SLC7A8: variants seen among roughly 807,000 people sequenced by gnomAD.
SLC7A8 encodes large neutral amino acids transporter small subunit 2.
A neutral mutation model predicts 51.2 loss-of-function variants in SLC7A8; 30 were observed. The observed-to-expected ratio is 0.59, with a 90% CI of 0.44 to 0.80. The LOEUF is 0.80. SLC7A8 is among the 30% of genes least tolerant of loss of function. The probability of loss-of-function intolerance (pLI) is 0.00; values close to 1 mark genes in which losing one functional copy is unlikely to be tolerated. For synonymous variants in SLC7A8, 257 were observed against 275.8 expected, an observed-to-expected ratio of 0.93 and a Z score of 0.67; for missense variants, 612 against 674.4, an observed-to-expected ratio of 0.91 and a Z score of 1.03.
chr14:23,142,170 A>G (rs17127071), intron 4 of SLC7A8, among the ~76,000 whole-genome samples: 12,759 of 152,284 alleles, frequency 0.084, 1,092 homozygotes, highest in African/African-American at 0.21. Flanking sequence ...GGCTGCCCAC[A>G]CTGCCTTCAG....
rs760363667 is a variant in SLC7A8, at chr14:23,165,286, T to C, written c.507A>G (p.Leu169=). 1.2e-6 allele frequency: 2 copies of C among 1,609,458 alleles called. No homozygotes were observed. Among genetic ancestry groups the C allele is most frequent in the Non-Finnish European group, 1.7e-6 (2 of 1,178,166 alleles). Residue 169 remains leucine, a splice_region_variant and synonymous_variant, in exon 3 of 11, where the codon TTA becomes TTG. Transcript: ENST00000316902. The surrounding 1 kb of genome is among the most constrained non-coding windows in gnomAD (Gnocchi z 4.2). ...TACCAAGACCCAGATGACACTTACATAAGCAGATGGCAGCCAGGAGCCGAA... is the reference window on the plus strand; with the variant it reads ...TACCAAGACCCAGATGACACTTACACAAGCAGATGGCAGCCAGGAGCCGAA... ...SGLRLLAAIC[L]LLLTWVNCSS...
chr14:23,161,364 C>T (rs1420122918), intron 3 of SLC7A8, among the ~76,000 whole-genome samples: 6 of 152,134 alleles, frequency 3.9e-5, no homozygotes, highest in African/African-American at 1.2e-4. Flanking sequence ...CTCCATTATA[C>T]ACCAATGACC....
Position 23,165,195 on chromosome 14 carries a change from G to T in SLC7A8, c.508+90C>A. On this transcript the variant is annotated intron_variant, in intron 3 of 10. Transcript: ENST00000316902. This position sits in a 1 kb window ranked among gnomAD's most constrained non-coding sequence, Gnocchi z 4.2. ...ATCATGCGGCTGCGCTCCAGCCTGA[G>T]TGACAGAGTGAAGACTCTGTTTCTA... 7.5e-7 allele frequency: 1 copy of T among 1,325,738 alleles called. No homozygotes were observed. The allele number at this position is 1,325,738 out of a possible 1,614,324, so 82.1% of individuals were successfully genotyped here. A position where few individuals can be genotyped will look rare whatever the true frequency, so the allele number is the denominator to read the frequency against.
chr14:23,167,750 G>A (rs1460817839), intron 1 of SLC7A8, among the ~76,000 whole-genome samples: 1 of 152,138 alleles, frequency 6.6e-6, no homozygotes, highest in African/African-American at 2.4e-5. Context: ...GAGACCAAAT[G>A]GATCCAGGTG....
chr14:23,143,198 A>G lies in SLC7A8; in HGVS notation c.515T>C (p.Leu172Pro), dbSNP rs1169208382. 6.8e-6 allele frequency: 11 copies of G among 1,614,172 alleles called. No individual in the cohort carries two copies. The highest frequency in any genetic ancestry group is 9.3e-6 in the Non-Finnish European group (11 of 1,180,024). The part of the protein sequence containing the change: ...RLLAAICLLL[L>P]TWVNCSSVRW... ...CACACTGGAACAGTTGACCCATGTG[A>G]GGAGCACTGAAATGAAAGACCCCCA... is the stretch of plus-strand genomic sequence containing the variant. The change falls in exon 4 of 11, where the codon CTC becomes CCC. Residue 172 changes from leucine to proline, a missense_variant. Transcript: ENST00000316902.
Position 23,129,706 on chromosome 14 carries a change from C to G in SLC7A8, c.1207G>C (p.Val403Leu), listed in dbSNP as rs2048614085. Residue 403 changes from valine to leucine, a missense_variant, in exon 9 of 11, where the codon GTT becomes CTT. Transcript: ENST00000316902. ...CAGCGAAGGACTATCTGTCCAGCAA[C>G]CGTGACCCCATAGAAGAGGTAGTTG... is the stretch of plus-strand genomic sequence containing the variant. ...FINYLFYGVT[V>L]AGQIVLRWKK... is the part of the protein sequence containing the mutation. The G allele has an allele frequency of 1.9e-6, 3 of 1,614,130 alleles. No homozygotes were observed. The highest frequency in any genetic ancestry group is 3.3e-5 in the Admixed American group (2 of 60,012).
At chr14:23,159,085 C>T (rs916592371) in intron 3 of SLC7A8, among the ~76,000 whole-genome samples, 33 of 152,292 alleles carry the variant, frequency 2.2e-4, no homozygotes, top group African/African-American at 7.7e-4. Flanking sequence ...TTTTCCCCAT[C>T]ACATTGTATT....
intron 3 of SLC7A8, among the ~76,000 whole-genome samples, chr14:23,145,121 C>A (rs1194887429): frequency 1.3e-5 from 2 of 151,232 alleles, no homozygotes; most frequent in Non-Finnish European, 3.0e-5. Flanking sequence ...AGGGTTTCAC[C>A]GTGTTAGCCA....
intron 3 of SLC7A8, among the ~76,000 whole-genome samples, chr14:23,145,240 T>C (rs1312270416): frequency 6.6e-6 from 1 of 150,872 alleles, no homozygotes; most frequent in African/African-American, 2.4e-5. Flanking sequence ...TAAAATGACC[T>C]GCTTCTGGCC....
intron 7 of SLC7A8, among the ~76,000 whole-genome samples, chr14:23,132,200 C>T (rs2048642900): frequency 6.6e-6 from 1 of 151,952 alleles, no homozygotes; most frequent in African/African-American, 2.4e-5. Context: ...GACGGGGTTT[C>T]ACCATCTTGG....
At chr14:23,139,310 G>T (rs577750738) in intron 6 of SLC7A8, 114 bp downstream of exon 6, 2 of 1,517,962 alleles carry the variant, frequency 1.3e-6, no homozygotes, top group Non-Finnish European at 9.1e-7. Flanking sequence ...CTGAGAACTT[G>T]GGGGTGATTT....
At chr14:23,169,619 C>T (rs950642925) in intron 1 of SLC7A8, among the ~76,000 whole-genome samples, 2 of 152,076 alleles carry the variant, frequency 1.3e-5, no homozygotes, top group African/African-American at 4.8e-5. Context: ...GTTGGCCAGG[C>T]TGGTCTCGAT....
chr14:23,161,525 G>C (rs2048922339), intron 3 of SLC7A8, among the ~76,000 whole-genome samples: 2 of 135,784 alleles, frequency 1.5e-5, no homozygotes, highest in African/African-American at 5.4e-5. Context: ...ACACAGGCTG[G>C]GCTTATTTTA....
In SLC7A8 at chr14:23,144,341, A is replaced by AATTTTTTTTTTTTTTTTTTTTT. The variant is rs375223021; in HGVS notation, c.509-1138_509-1137insAAAAAAAAAAAAAAAAAAAAAT. On this transcript the variant is annotated intron_variant, in intron 3 of 10. Transcript: ENST00000316902. The stretch of plus-strand genomic sequence containing the variant: ...ATTTGGTATTGTCAGTTTAAACACA[A>AATTTTTTTTTTTTTTTTTTTTT]TTTTTTTTTTTTTTTTTTTTTTGGC... Among the ~76,000 whole-genome samples the AATTTTTTTTTTTTTTTTTTTTT allele has an allele frequency of 1.7e-5, 2 of 114,356 alleles. 1 individual carries two copies. 75.0% of individuals were successfully genotyped at this position (114,356 alleles called of 152,430 possible).
At chr14:23,148,723 G>A (rs766157969) in intron 3 of SLC7A8, among the ~76,000 whole-genome samples, 6 of 152,226 alleles carry the variant, frequency 3.9e-5, no homozygotes, top group East Asian at 3.8e-4. Context: ...ATGGGGCCAT[G>A]AGCCAAAGAA....
intron 4 of SLC7A8, among the ~76,000 whole-genome samples, chr14:23,141,174 A>C (rs1415989474): frequency 5.3e-5 from 8 of 152,162 alleles, no homozygotes; most frequent in African/African-American, 1.9e-4. Context: ...AGGCTCACCT[A>C]TTTGAGAGGC....
intron 6 of SLC7A8, among the ~76,000 whole-genome samples, chr14:23,138,846 A>C (rs1339771980): frequency 6.6e-6 from 1 of 152,166 alleles, no homozygotes; most frequent in Non-Finnish European, 1.5e-5. Flanking sequence ...GTCTTTTGAG[A>C]TAAGGCCAGT....
At chr14:23,172,192 T>A (rs1419042380) in intron 1 of SLC7A8, among the ~76,000 whole-genome samples, 2 of 152,180 alleles carry the variant, frequency 1.3e-5, no homozygotes, top group Admixed American at 1.3e-4. Context: ...AAGGAATGGC[T>A]AGGATTTGTA....
intron 7 of SLC7A8, among the ~76,000 whole-genome samples, 191 bp downstream of exon 7, chr14:23,137,730 A>G (rs1352123836): frequency 6.6e-6 from 1 of 152,158 alleles, no homozygotes; most frequent in Non-Finnish European, 1.5e-5. Context: ...GCAGGTGACC[A>G]CGTGAGCAGC....
Sources: allele counts gnomAD v4.1 joint callset (sites outside exome capture counted in the v4.1 genomes callset), GRCh38; gene constraint gnomAD v4.1.1; non-coding constraint Gnocchi (gnomAD v3.1); transcripts MANE v1.5; gene names NCBI Gene and HGNC (gene_info 2026-07-23, HGNC 2026-07-21).